The following CEP295 variants were observed in gnomAD, a reference collection of about 807,000 sequenced individuals.
CEP295 encodes centrosomal protein 295.
CEP295 carries 190 observed loss-of-function variants against 291.6 expected under a neutral mutation model. The observed-to-expected ratio is 0.65, with a 90% confidence interval of 0.58 to 0.73. CEP295 has a LOEUF of 0.73. Ranked by LOEUF, CEP295 falls within the 30% of genes least tolerant of loss-of-function variation. CEP295 has a pLI of 0.00. For missense variants in CEP295, 2,863 were observed against 2,949.4 expected (o/e 0.97, Z 0.68); for synonymous variants, 993 against 1,038.8 (o/e 0.96, Z 0.85).
intron 24 of CEP295, chr11:93,727,844 C>T (rs1465617458): frequency 4.2e-6 from 2 of 476,908 alleles, no homozygotes; most frequent in African/African-American, 4.0e-5. Flanking sequence ...AAAATACAAG[C>T]AAAACTGCTT....
At chr11:93,701,548 A>T (rs888741772) in intron 15 of CEP295, among the ~76,000 whole-genome samples, 8 of 152,106 alleles carry the variant, frequency 5.3e-5, no homozygotes, top group African/African-American at 1.9e-4. Flanking sequence ...ACTCAAATAT[A>T]ATCTCTTATG....
chr11:93,692,818 C>A (rs1026406492), intron 12 of CEP295, among the ~76,000 whole-genome samples: 2 of 150,980 alleles, frequency 1.3e-5, no homozygotes, highest in African/African-American at 4.9e-5. Context: ...ACTAAAAATA[C>A]AAAAATCAGC....
At chr11:93,680,202 G>A (rs766210294) in intron 7 of CEP295, among the ~76,000 whole-genome samples, 70 of 152,128 alleles carry the variant, frequency 4.6e-4, no homozygotes, top group Non-Finnish European at 9.9e-4. Context: ...ACCTGAGCCC[G>A]GGACAAGGAG....
intron 23 of CEP295, among the ~76,000 whole-genome samples, 167 bp downstream of exon 23, chr11:93,725,998 A>G (rs753523580): frequency 6.6e-6 from 1 of 152,252 alleles, no homozygotes; most frequent in Non-Finnish European, 1.5e-5. Flanking sequence ...CATTTTTTTA[A>G]ACAATACTGA....
chr11:93,684,528 T>A (rs1360789260), intron 9 of CEP295, among the ~76,000 whole-genome samples: 1 of 152,202 alleles, frequency 6.6e-6, no homozygotes, highest in Non-Finnish European at 1.5e-5. Context: ...GAGGTTCATT[T>A]CTTGTCTATG....
intron 22 of CEP295, among the ~76,000 whole-genome samples, chr11:93,725,209 T>C (rs898199389): frequency 6.6e-6 from 1 of 150,886 alleles, no homozygotes; most frequent in African/African-American, 2.4e-5. Context: ...ATCGTGCCAC[T>C]GCACTCCAGC....
chr11:93,682,457 C>T (rs559787301), intron 7 of CEP295, among the ~76,000 whole-genome samples: 1 of 152,314 alleles, frequency 6.6e-6, no homozygotes, highest in East Asian at 1.9e-4. Context: ...CTCCTGACCT[C>T]AGGTGATCTG....
At chr11:93,707,891 G>A (rs1304272872) in intron 18 of CEP295, among the ~76,000 whole-genome samples, 1 of 152,054 alleles carries the variant, frequency 6.6e-6, no homozygotes, top group Non-Finnish European at 1.5e-5. Context: ...GAGAGATGAA[G>A]GAAAGGGATA....
At position 93,675,577 on chromosome 11, in the gene CEP295, G is replaced by A. The variant is rs62622500; in HGVS notation, c.535G>A (p.Glu179Lys). The change falls in exon 6 of 30, where the codon GAA (glutamate) becomes AAA (lysine). Residue 179 changes from glutamate to lysine, a missense_variant. Transcript: ENST00000325212. ...PPPPTLFENI[E>K]VKRISAVKTN... ...TTTATGTTCTCTTTTCCAGAACATC[G>A]AAGTAAAAAGAATTTCTGCAGTCAA... is the stretch of plus-strand genomic sequence containing the variant. 0.013 allele frequency: 18,450 copies of A among 1,470,798 alleles called. 175 individuals carry two copies. The highest frequency in any genetic ancestry group is 0.014 in the Non-Finnish European group (15,647 of 1,104,770). 91.1% of individuals were successfully genotyped at this position (1,470,798 alleles called of 1,614,324 possible). A position where few individuals can be genotyped will look rare whatever the true frequency, so the allele number is the denominator to read the frequency against.
chr11:93,720,849 A>T (rs1953660663), intron 18 of CEP295, among the ~76,000 whole-genome samples: 1 of 152,130 alleles, frequency 6.6e-6, no homozygotes, highest in Non-Finnish European at 1.5e-5. Flanking sequence ...CACCTGCCTC[A>T]GCCTCCCAAA....
At chr11:93,680,269 G>A (rs973963245) in intron 7 of CEP295, among the ~76,000 whole-genome samples, 4 of 152,050 alleles carry the variant, frequency 2.6e-5, no homozygotes, top group South Asian at 2.1e-4. Context: ...GCCACAGAGC[G>A]AGACCCTGTC....
At chr11:93,722,132 G>A (rs977390370) in intron 20 of CEP295, 82 bp downstream of exon 20, 3 of 803,510 alleles carry the variant, frequency 3.7e-6, no homozygotes, top group African/African-American at 1.7e-5. Context: ...GGAAGCATTG[G>A]GTTTTCATGA....
chr11:93,716,607 G>C (rs1036352897), intron 18 of CEP295, among the ~76,000 whole-genome samples: 1 of 152,184 alleles, frequency 6.6e-6, no homozygotes, highest in East Asian at 1.9e-4. Context: ...AAGACTGGGC[G>C]CAGAACAAAG....
chr11:93,717,028 TG>T (rs1423899271), intron 18 of CEP295, among the ~76,000 whole-genome samples: 3 of 152,220 alleles, frequency 2.0e-5, no homozygotes, highest in African/African-American at 7.2e-5. Context: ...GAAGGAGTGC[TG>T]GGAGAGTCTA....
In CEP295 at chr11:93,727,289, A is replaced by T. The variant is rs967520800; in HGVS notation, c.6813A>T (p.Gln2271His). Residue 2271 changes from glutamine to histidine, a missense_variant, in exon 24 of 30, where the codon CAA becomes CAT. Physicochemically the swap from Gln to His is conservative, Grantham distance 24. This residue lies in a region of CEP295 where 2,295 missense variants were observed against 2,335.7 expected (regional missense o/e 0.98). Coordinates refer to ENST00000325212, the MANE Select transcript of CEP295 (RefSeq NM_033395.2). ...CTAGTGAGTGCTCAACAAAACACCA[A>T]CTAGAAAGCAGAAAGGAAAGTATGG... ...SNSSECSTKH[Q>H]LESRKESMGF... The T allele has an allele frequency of 6.4e-7, 1 of 1,551,580 alleles. No individual in the cohort carries two copies. Among genetic ancestry groups the T allele is most frequent in the African/African-American group, 1.4e-5 (1 of 73,062 alleles).
At chr11:93,675,716 C>G (rs1347175325) in intron 6 of CEP295, 50 bp downstream of exon 6, 1 of 946,016 alleles carries the variant, frequency 1.1e-6, no homozygotes, top group African/African-American at 1.7e-5. Context: ...TTTCTGTGTG[C>G]ATTGAATTGA....
chr11:93,688,043 T>G (rs1206634629), intron 10 of CEP295, among the ~76,000 whole-genome samples, 178 bp downstream of exon 10: 1 of 152,166 alleles, frequency 6.6e-6, no homozygotes, highest in African/African-American at 2.4e-5. Flanking sequence ...CCACTTTTAA[T>G]CTAGTATAGT....
chr11:93,675,282 A>G (rs1330176782), intron 5 of CEP295, among the ~76,000 whole-genome samples: 1 of 152,128 alleles, frequency 6.6e-6, no homozygotes, highest in Non-Finnish European at 1.5e-5. Context: ...TTCTATATTC[A>G]GGAGATTTAA....
At chr11:93,722,174 A>C in intron 20 of CEP295, 124 bp downstream of exon 20, 99 of 656,526 alleles carry the variant, frequency 1.5e-4, no homozygotes, top group Non-Finnish European at 2.1e-4. Context: ...TCTAAATCTC[A>C]CAAGTAAAGT....
Sources: allele counts gnomAD v4.1 joint callset (sites outside exome capture counted in the v4.1 genomes callset), GRCh38; gene constraint gnomAD v4.1.1; regional missense constraint gnomAD v4.1.1; transcripts MANE v1.5; gene names NCBI Gene and HGNC (gene_info 2026-07-23, HGNC 2026-07-21).